The following MSX2 variants were observed in gnomAD, a reference collection of about 807,000 sequenced individuals.
The protein encoded by MSX2 is homeobox protein MSX-2.
In MSX2, 10 loss-of-function variants were observed where a neutral mutation model predicts 18.4. The observed-to-expected ratio is 0.54, with a 90% CI of 0.34 to 0.92. MSX2 has a LOEUF of 0.92. Ranked by LOEUF, MSX2 falls within the 40% of genes least tolerant of loss-of-function variation. The probability of loss-of-function intolerance (pLI) is 0.02; values close to 1 mark genes in which losing one functional copy is unlikely to be tolerated. For synonymous variants in MSX2, 170 were observed against 165.6 expected (o/e 1.03, Z -0.20); for missense variants, 339 against 364.0 (o/e 0.93, Z 0.56).
In MSX2 at chr5:174,729,435, G is replaced by A; in HGVS notation, c.656G>A (p.Ser219Asn). The change falls in exon 2 of 2, where the codon AGC becomes AAC. Residue 219 changes from serine (S) to asparagine (N), a missense_variant. Physicochemically the swap from Ser to Asn is conservative, Grantham distance 46. This residue lies in a region of MSX2 where 128 missense variants were observed against 178.6 expected (regional missense o/e 0.72). Transcript: ENST00000239243. Reference sequence around the variant, plus strand: ...GCTGCAAAACCTATGCTGCCCTCCAGCTTCAGTCTCCCTTTCCCCATCAGC... The same window carrying A: ...GCTGCAAAACCTATGCTGCCCTCCAACTTCAGTCTCCCTTTCCCCATCAGC... Reference protein sequence around the residue: ...KMAAKPMLPSSFSLPFPISSP... With the variant: ...KMAAKPMLPSNFSLPFPISSP... 6.2e-7 allele frequency: 1 copy of A among 1,614,086 alleles called. No individual in the cohort carries two copies. The highest frequency in any genetic ancestry group is 1.3e-5 in the African/African-American group (1 of 75,054).
At chr5:174,725,096 G>GAC in intron 1 of MSX2, 58 bp downstream of exon 1, 1 of 1,594,526 alleles carries the variant, frequency 6.3e-7, no homozygotes, top group South Asian at 1.1e-5. Context: ...GGGAGCGGGG[G>GAC]GCGGGTGTTC....
In MSX2 at chr5:174,726,705, GTTAC is replaced by G. The variant is rs370172256; in HGVS notation, c.379+1672_379+1675del. On this transcript the variant is annotated intron_variant, in intron 1 of 1. Transcript: ENST00000239243. Reference sequence around the variant, plus strand: ...CTGTGGACCACATTGAGGGATTAGTGTTACTTACCCACTTTATCGACAGTGAGGT... The same window carrying G: ...CTGTGGACCACATTGAGGGATTAGTGTTACCCACTTTATCGACAGTGAGGT... 1.1e-3 allele frequency among the ~76,000 whole-genome samples: 162 copies of G among 151,994 alleles called. 1 individual carries two copies. The South Asian group carries it at 0.012, about 11-fold the overall frequency.
chr5:174,729,135 TC>T, intron 1 of MSX2, 23 bp from the exon 2 acceptor site: 4 of 1,610,504 alleles, frequency 2.5e-6, no homozygotes, highest in Non-Finnish European at 3.4e-6. Context: ...CTTTTGCTAA[TC>T]CGCTCCTCTC....
intron 1 of MSX2, among the ~76,000 whole-genome samples, chr5:174,726,800 G>C (rs1760809614): frequency 6.6e-6 from 1 of 152,150 alleles, no homozygotes. Context: ...CTACGCCTAT[G>C]CCCAGCCAAT....
Position 174,729,660 on chromosome 5 carries a change from C to A in MSX2, c.*77C>A. Reference sequence around the variant, plus strand: ...CTCTCCCTCTCCACGAAGGCAGTACCAGCCAGTACTCCTGCTCTGCTAACC... The same window carrying A: ...CTCTCCCTCTCCACGAAGGCAGTACAAGCCAGTACTCCTGCTCTGCTAACC... On this transcript the variant is annotated 3_prime_UTR_variant, in exon 2 of 2. Coordinates refer to ENST00000239243, the MANE Select transcript of MSX2 (RefSeq NM_002449.5). The A allele has an allele frequency of 6.2e-6, 9 of 1,459,888 alleles. No homozygotes were observed. In the South Asian group the frequency reaches 9.1e-5, roughly 15 times the overall value. 90.4% of individuals were successfully genotyped at this position (1,459,888 alleles called of 1,614,324 possible).
Position 174,729,352 on chromosome 5 carries a change from G to A in MSX2, c.573G>A (p.Gln191=), listed in dbSNP as rs1157016749. ...LTETQVKIWF[Q]NRRAKAKRLQ... ...AGACCCAGGTCAAAATCTGGTTCCAGAACCGAAGGGCCAAGGCGAAAAGAC... is the reference window on the plus strand; with the variant it reads ...AGACCCAGGTCAAAATCTGGTTCCAAAACCGAAGGGCCAAGGCGAAAAGAC... Residue 191 remains glutamine, a synonymous_variant, in exon 2 of 2, where the codon CAG becomes CAA. Transcript: ENST00000239243. The A allele has an allele frequency of 6.2e-7, 1 of 1,614,176 alleles. No homozygotes were observed. Among genetic ancestry groups the A allele is most frequent in the South Asian group, 1.1e-5 (1 of 91,076 alleles).
chr5:174,725,170 C>T, intron 1 of MSX2, 132 bp downstream of exon 1: 1 of 1,384,898 alleles, frequency 7.2e-7, no homozygotes, highest in Non-Finnish European at 9.6e-7. Flanking sequence ...AGCCCAGGGC[C>T]TCTGGACTCC....
At position 174,729,291 on chromosome 5, in the gene MSX2, A is replaced by G; in HGVS notation, c.512A>G (p.Glu171Gly). 7 of 1,614,162 alleles carry G rather than the reference A, an allele frequency of 4.3e-6. No individual in the cohort carries two copies. The highest frequency in any genetic ancestry group is 5.9e-6 in the Non-Finnish European group (7 of 1,180,038). ...CAGAAACAGTACCTCTCCATTGCAG[A>G]GCGTGCAGAGTTCTCCAGCTCTCTG... ...FRQKQYLSIA[E>G]RAEFSSSLNL... Residue 171 changes from glutamate (E) to glycine (G), a missense_variant, in exon 2 of 2, where the codon GAG becomes GGG. Glu to Gly is a moderately conservative substitution (Grantham distance 98, BLOSUM62 -2). Transcript: ENST00000239243.
intron 1 of MSX2, among the ~76,000 whole-genome samples, chr5:174,728,038 A>T (rs1434406753): frequency 1.3e-5 from 2 of 152,176 alleles, no homozygotes; most frequent in African/African-American, 4.8e-5. Context: ...ACCCTTGAGG[A>T]AGACAAGCCC....
intron 1 of MSX2, among the ~76,000 whole-genome samples, chr5:174,726,586 CAAAA>C (rs34068914): frequency 1.1e-5 from 1 of 93,420 alleles, no homozygotes; most frequent in African/African-American, 4.9e-5. Context: ...TGGGCCTGAC[CAAAA>C]AAAAAAAAAA....
chr5:174,725,699 G>C (rs867257339), intron 1 of MSX2, among the ~76,000 whole-genome samples: 1 of 152,198 alleles, frequency 6.6e-6, no homozygotes, highest in Non-Finnish European at 1.5e-5. Flanking sequence ...AAGGTTCTGA[G>C]CTTCGCCGGG....
At chr5:174,725,067 G>C in intron 1 of MSX2, 29 bp downstream of exon 1, 1 of 1,606,290 alleles carries the variant, frequency 6.2e-7, no homozygotes, top group Non-Finnish European at 8.5e-7. Flanking sequence ...AGGAGTAGGA[G>C]GTAGCGCGGG....
At chr5:174,727,989 G>T (rs1235052109) in intron 1 of MSX2, among the ~76,000 whole-genome samples, 1 of 152,196 alleles carries the variant, frequency 6.6e-6, no homozygotes, top group Admixed American at 6.5e-5. Context: ...TAATTGTTAA[G>T]TATTCTATCA....
intron 1 of MSX2, among the ~76,000 whole-genome samples, chr5:174,727,695 C>G (rs1380252774): frequency 6.6e-6 from 1 of 152,128 alleles, no homozygotes; most frequent in Admixed American, 6.5e-5. Context: ...CTTCCCTTTC[C>G]CAGATTTCTG....
At chr5:174,725,157 G>A in intron 1 of MSX2, 119 bp downstream of exon 1, 1 of 1,453,550 alleles carries the variant, frequency 6.9e-7, no homozygotes, top group Admixed American at 2.4e-5. Context: ...TCCCGGGAAA[G>A]CAAGCCCAGG....
At chr5:174,728,562 G>A (rs928241614) in intron 1 of MSX2, among the ~76,000 whole-genome samples, 1 of 152,128 alleles carries the variant, frequency 6.6e-6, no homozygotes, top group Non-Finnish European at 1.5e-5. Context: ...GGAGACCAAG[G>A]GAAACAGCTA....
chr5:174,725,234 C>T (rs1017217595), intron 1 of MSX2, among the ~76,000 whole-genome samples, 196 bp downstream of exon 1: 2 of 152,228 alleles, frequency 1.3e-5, no homozygotes, highest in African/African-American at 4.8e-5. Context: ...CCAAGACACC[C>T]TCTGGGTAAT....
chr5:174,728,337 A>T (rs995071125), intron 1 of MSX2, among the ~76,000 whole-genome samples: 19 of 152,232 alleles, frequency 1.2e-4, no homozygotes, highest in African/African-American at 4.1e-4. Flanking sequence ...TTTATATTAC[A>T]GAAGCGCCCA....
In MSX2 at chr5:174,729,182, A is replaced by T; in HGVS notation, c.403A>T (p.Thr135Ser). The change falls in exon 2 of 2, where the codon ACC (threonine) becomes TCC (serine). Residue 135 changes from threonine to serine, a missense_variant. Thr to Ser is a moderately conservative substitution (Grantham distance 58, BLOSUM62 1). Transcript: ENST00000239243. ...AGGACATATGAGCCCTACCACCTGC[A>T]CCCTGAGGAAACACAAGACCAATCG... ...PPRHMSPTTC[T>S]LRKHKTNRKP... 1 of 1,613,938 alleles carries T rather than the reference A, an allele frequency of 6.2e-7. No individual in the cohort carries two copies. The highest frequency in any genetic ancestry group is 1.1e-5 in the South Asian group (1 of 91,062).
Sources: allele counts gnomAD v4.1 joint callset (sites outside exome capture counted in the v4.1 genomes callset), GRCh38; gene constraint gnomAD v4.1.1; regional missense constraint gnomAD v4.1.1; transcripts MANE v1.5; gene names NCBI Gene and HGNC (gene_info 2026-07-23, HGNC 2026-07-21).